Variants in CWC15 observed in about 807,000 individuals in gnomAD.
The protein encoded by CWC15 is spliceosome-associated protein CWC15 homolog.
Under a neutral mutation model 28.4 loss-of-function variants are expected in CWC15, and 12 were observed. That is an observed-to-expected ratio of 0.42 (90% CI 0.27 to 0.69). The LOEUF (loss-of-function observed/expected upper bound fraction) is 0.69. CWC15 is among the 30% of genes least tolerant of loss of function. The pLI, the probability that CWC15 is intolerant of heterozygous loss-of-function variation, is 0.23. For missense variants in CWC15, 192 were observed against 271.5 expected (o/e 0.71, Z 2.06); for synonymous variants, 92 against 88.4 (o/e 1.04, Z -0.23).
chr11:94,972,303 A>C, intron 1 of CWC15, 110 bp from the exon 2 acceptor site: 1 of 1,054,558 alleles, frequency 9.5e-7, no homozygotes, highest in Non-Finnish European at 1.4e-6. Context: ...CATTCCCCAA[A>C]ACCTGCTTAA....
chr11:94,970,166 C>T lies in CWC15; in HGVS notation c.334-70G>A. 4.5e-6 allele frequency: 3 copies of T among 662,662 alleles called. No individual in the cohort carries two copies. The South Asian group carries it at 7.7e-5, about 17-fold the overall frequency. 41.0% of individuals were successfully genotyped at this position (662,662 alleles called of 1,614,324 possible). ...ACTACCAAAACACAGTACATATGTA[C>T]AACGTATCACCCTAAGAAAGTCAAA... On this transcript the variant is annotated intron_variant, in intron 4 of 6. Coordinates refer to ENST00000279839, the MANE Select transcript of CWC15 (RefSeq NM_016403.4).
At chr11:94,971,588 T>C in intron 2 of CWC15, 101 bp from the exon 3 acceptor site, 1 of 693,432 alleles carries the variant, frequency 1.4e-6, no homozygotes, top group Non-Finnish European at 2.4e-6. Context: ...TGAGACTTTG[T>C]CCTTCAAGCA....
intron 4 of CWC15, 57 bp from the exon 5 acceptor site, chr11:94,970,153 C>T (rs1268229103): frequency 1.2e-6 from 1 of 844,100 alleles, no homozygotes; most frequent in African/African-American, 1.7e-5. Context: ...TACCAAAACA[C>T]AGTACATATG....
chr11:94,963,993 C>A (rs1281980770), intron 6 of CWC15, among the ~76,000 whole-genome samples: 1 of 151,716 alleles, frequency 6.6e-6, no homozygotes, highest in Non-Finnish European at 1.5e-5. Context: ...TATAGGCCAA[C>A]AAAAGGAGAA....
chr11:94,971,342 T>A, intron 3 of CWC15, 33 bp downstream of exon 3: 2 of 1,510,864 alleles, frequency 1.3e-6, no homozygotes, highest in Non-Finnish European at 1.8e-6. Context: ...CAACATAATT[T>A]TATGAGACAA....
At chr11:94,973,157 C>G (rs1177660159) in intron 1 of CWC15, 1 of 152,410 alleles carries the variant, frequency 6.6e-6, no homozygotes, top group East Asian at 1.9e-4. Flanking sequence ...TCCCACACAC[C>G]CACGGAATTA....
chr11:94,971,313 C>T, intron 3 of CWC15, 62 bp downstream of exon 3: 1 of 1,349,796 alleles, frequency 7.4e-7, no homozygotes, highest in South Asian at 1.2e-5. Context: ...CCAATTGCTA[C>T]ATAAAGAAAA....
At chr11:94,972,396 T>G (rs1349122875) in intron 1 of CWC15, among the ~76,000 whole-genome samples, 2 of 152,166 alleles carry the variant, frequency 1.3e-5, no homozygotes, top group South Asian at 2.1e-4. Context: ...CTTGCCTTAG[T>G]ACAAAAAATT....
At chr11:94,963,649 T>C in intron 6 of CWC15, 135 bp from the exon 7 acceptor site, 2 of 594,278 alleles carry the variant, frequency 3.4e-6, no homozygotes, top group Non-Finnish European at 5.2e-6. Context: ...GCAATTACAC[T>C]CAAAAGAATA....
intron 5 of CWC15, among the ~76,000 whole-genome samples, chr11:94,967,450 TA>T (rs1857661819): frequency 6.6e-6 from 1 of 152,208 alleles, no homozygotes; most frequent in South Asian, 2.1e-4. Context: ...ATGTGGAATA[TA>T]AAATGTCTAA....
rs1590960044 is a variant in CWC15 at position 94,970,824 on chromosome 11, A to C, written c.333+153T>G. The C allele has an allele frequency of 7.6e-6, 5 of 654,136 alleles. No homozygotes were observed. The East Asian group carries it at 1.3e-4, about 18-fold the overall frequency. The allele number at this position is 654,136 out of a possible 1,614,324, so 40.5% of individuals were successfully genotyped here. A position where few individuals can be genotyped will look rare whatever the true frequency, so the allele number is the denominator to read the frequency against. On this transcript the variant is annotated intron_variant, in intron 4 of 6. Transcript: ENST00000279839. ...AAATAATACTTTTGATTTTAAAATC[A>C]ACTATAAAGTTTAGCACTGAGGTCA...
At chr11:94,965,207 C>T (rs782796193) in intron 6 of CWC15, among the ~76,000 whole-genome samples, 1 of 152,240 alleles carries the variant, frequency 6.6e-6, no homozygotes, top group East Asian at 1.9e-4. Context: ...GTCAGCAGTA[C>T]TGCATCACTC....
chr11:94,969,069 A>G (rs587745420), intron 5 of CWC15, among the ~76,000 whole-genome samples: 1 of 152,266 alleles, frequency 6.6e-6, no homozygotes, highest in South Asian at 2.1e-4. Context: ...ACCAACATTT[A>G]CCTAGAAAGT....
chr11:94,963,346 T>G lies in CWC15; in HGVS notation c.*39A>C. On this transcript the variant is annotated 3_prime_UTR_variant, in exon 7 of 7. Coordinates refer to ENST00000279839, the MANE Select transcript of CWC15 (RefSeq NM_016403.4). ...TCATAAAAAAAGTCAGAATGATCCT[T>G]TACGTTTTACAGTCTTTAATTAAGC... 3 of 1,483,528 alleles carry G rather than the reference T, an allele frequency of 2.0e-6. No individual in the cohort carries two copies. The highest frequency in any genetic ancestry group is 2.7e-6 in the Non-Finnish European group (3 of 1,109,782). 91.9% of individuals were successfully genotyped at this position (1,483,528 alleles called of 1,614,324 possible).
chr11:94,969,738 A>T (rs1329262293), intron 5 of CWC15, among the ~76,000 whole-genome samples: 2 of 152,234 alleles, frequency 1.3e-5, no homozygotes, highest in Admixed American at 1.3e-4. Flanking sequence ...GAACAAATGA[A>T]TAAACAAGTA....
intron 4 of CWC15, 98 bp from the exon 5 acceptor site, chr11:94,970,194 A>G (rs1555095966): frequency 2.1e-6 from 1 of 481,654 alleles, no homozygotes; most frequent in African/African-American, 2.0e-5. Context: ...AAGTCAAAAC[A>G]ATTTTATGTA....
intron 1 of CWC15, among the ~76,000 whole-genome samples, chr11:94,973,056 G>GGC (rs1565415226): frequency 6.6e-6 from 1 of 150,742 alleles, no homozygotes; most frequent in Admixed American, 6.6e-5. Context: ...TTGGGGGGGG[G>GGC]GCGATGCTAA....
chr11:94,972,107 A>T lies in CWC15; in HGVS notation c.79T>A (p.Ser27Thr). The T allele has an allele frequency of 6.2e-7, 1 of 1,613,860 alleles. No individual in the cohort carries two copies. The highest frequency in any genetic ancestry group is 8.5e-7 in the Non-Finnish European group (1 of 1,179,840). Residue 27 changes from serine to threonine, a missense_variant, in exon 2 of 7, where the codon TCA becomes ACA. This residue lies in a region of CWC15 where 188 missense variants were observed against 250.3 expected (regional missense o/e 0.75). Transcript: ENST00000279839. ...AGGTCTCTGCTTGAATACTGCTTTGAAAGTTGGCTCAAATCACCTTCTCCT... is the reference window on the plus strand; with the variant it reads ...AGGTCTCTGCTTGAATACTGCTTTGTAAGTTGGCTCAAATCACCTTCTCCT... ...GKGEGDLSQL[S>T]KQYSSRDLPS... is the part of the protein sequence containing the mutation.
intron 4 of CWC15, 197 bp downstream of exon 4, chr11:94,970,780 T>G: frequency 1.8e-6 from 1 of 569,966 alleles, no homozygotes; most frequent in Non-Finnish European, 3.1e-6. Context: ...GAGATCAAAC[T>G]TGTTCTTAAA....
Sources: allele counts gnomAD v4.1 joint callset (sites outside exome capture counted in the v4.1 genomes callset), GRCh38; gene constraint gnomAD v4.1.1; regional missense constraint gnomAD v4.1.1; transcripts MANE v1.5; gene names NCBI Gene and HGNC (gene_info 2026-07-23, HGNC 2026-07-21).